Variants in TENM3 observed in about 807,000 individuals in gnomAD.
TENM3 encodes the protein teneurin transmembrane protein 3.
Under a neutral mutation model 255.1 loss-of-function variants are expected in TENM3, and 63 were observed. The observed-to-expected ratio is 0.25, with a 90% CI of 0.20 to 0.30. The LOEUF (loss-of-function observed/expected upper bound fraction) is 0.30. Ranked by LOEUF, TENM3 falls within the 10% of genes least tolerant of loss-of-function variation. TENM3 has a pLI of 1.00. For missense variants in TENM3, 2,929 were observed against 3,461.1 expected (o/e 0.85, Z 3.86); for synonymous variants, 1,306 against 1,322.3 (o/e 0.99, Z 0.27).
At chr4:182,119,387 T>C in the TENM3 span, among the ~76,000 whole-genome samples, 12 of 152,020 alleles carry the variant, frequency 7.9e-5, no homozygotes, top group African/African-American at 2.9e-4. Flanking sequence ...TCCGTGGAGT[T>C]TTTATCTCTC....
the TENM3 span, among the ~76,000 whole-genome samples, chr4:181,727,663 T>C: frequency 3.3e-5 from 5 of 152,358 alleles, no homozygotes; most frequent in Admixed American, 3.3e-4. Flanking sequence ...TTGTCAGATT[T>C]ACTACAATAC....
At chr4:181,696,688 C>T in the TENM3 span, among the ~76,000 whole-genome samples, 4 of 152,208 alleles carry the variant, frequency 2.6e-5, no homozygotes, top group Non-Finnish European at 4.4e-5. Flanking sequence ...ACTGTACGCA[C>T]TCACTAAGGT....
chr4:181,898,593 C>G, the TENM3 span, among the ~76,000 whole-genome samples: 1 of 152,158 alleles, frequency 6.6e-6, no homozygotes, highest in East Asian at 1.9e-4. Flanking sequence ...TGAACTCCCC[C>G]CAACTCATTA....
At chr4:182,436,346 T>G (rs1226704587) in intron 3 of TENM3, among the ~76,000 whole-genome samples, 1 of 152,136 alleles carries the variant, frequency 6.6e-6, no homozygotes, top group Non-Finnish European at 1.5e-5. Flanking sequence ...GACTGCAGCT[T>G]TGTCTGTCTT....
chr4:181,572,977 AATGAGAAC>A, the TENM3 span, among the ~76,000 whole-genome samples: 4 of 152,142 alleles, frequency 2.6e-5, no homozygotes, highest in Admixed American at 1.3e-4. Context: ...CCCACAAATG[AATGAGAAC>A]ATGTGAAGTT....
At chr4:181,625,744 G>A in the TENM3 span, among the ~76,000 whole-genome samples, 1 of 152,068 alleles carries the variant, frequency 6.6e-6, no homozygotes, top group South Asian at 2.1e-4. Context: ...AACCCAGGAG[G>A]CAGAGCTTGC....
the TENM3 span, among the ~76,000 whole-genome samples, chr4:181,640,736 G>A: frequency 7.9e-5 from 12 of 152,278 alleles, no homozygotes; most frequent in African/African-American, 2.9e-4. Context: ...GGAACTATAG[G>A]AGGTGATGCC....
Position 182,349,851 on chromosome 4 carries a change from G to A in TENM3, c.511+2922G>A, listed in dbSNP as rs1237734681. On this transcript the variant is annotated intron_variant, in intron 3 of 27. Coordinates refer to ENST00000511685, the MANE Select transcript of TENM3 (RefSeq NM_001080477.4). ...TCATTTTTATACTAGCTTGAGATGTGTTCTTGGAAGTTCTATTGTATCACT... is the reference window on the plus strand; with the variant it reads ...TCATTTTTATACTAGCTTGAGATGTATTCTTGGAAGTTCTATTGTATCACT... The A allele has an allele frequency of 1.0e-5, 4 of 381,618 alleles. 1 individual carries two copies. Among genetic ancestry groups the A allele is most frequent in the South Asian group, 6.0e-5 (3 of 49,892 alleles). 23.6% of individuals were successfully genotyped at this position (381,618 alleles called of 1,614,324 possible).
intron 3 of TENM3, among the ~76,000 whole-genome samples, chr4:182,474,210 C>G (rs1038765398): frequency 6.6e-6 from 1 of 152,122 alleles, no homozygotes; most frequent in Non-Finnish European, 1.5e-5. Flanking sequence ...AAATTTTTTA[C>G]TCACAGGATT....
the TENM3 span, among the ~76,000 whole-genome samples, chr4:181,619,329 G>A: frequency 1.3e-5 from 2 of 152,008 alleles, no homozygotes; most frequent in African/African-American, 4.8e-5. Flanking sequence ...TGATCTATTT[G>A]TATTTCTCAC....
At chr4:181,724,842 G>T in the TENM3 span, among the ~76,000 whole-genome samples, 2 of 152,080 alleles carry the variant, frequency 1.3e-5, no homozygotes, top group Non-Finnish European at 2.9e-5. Flanking sequence ...TTTCTTTCCT[G>T]GCAGATCAGA....
the TENM3 span, among the ~76,000 whole-genome samples, chr4:181,591,051 A>G: frequency 1.9e-4 from 29 of 152,354 alleles, no homozygotes; most frequent in East Asian, 4.8e-3. Context: ...AAATACAATG[A>G]GTCTTATGCA....
the TENM3 span, among the ~76,000 whole-genome samples, chr4:181,484,363 T>C: frequency 2.0e-5 from 3 of 152,158 alleles, no homozygotes; most frequent in Non-Finnish European, 4.4e-5. Context: ...ATCCTATATG[T>C]GATGTGTGAC....
At chr4:182,328,581 CAG>C (rs1763562794) in intron 2 of TENM3, among the ~76,000 whole-genome samples, 2 of 151,740 alleles carry the variant, frequency 1.3e-5, no homozygotes, top group East Asian at 1.9e-4. Flanking sequence ...GAAATTAAAA[CAG>C]AAAGTAAATT....
rs1764421555 is a variant in TENM3, at chr4:182,773,382, G to A, written c.4893-90G>A. The A allele has an allele frequency of 2.5e-6, 3 of 1,188,772 alleles. No homozygotes were observed. The Admixed American group carries it at 7.3e-5, about 29-fold the overall frequency. 73.6% of individuals were successfully genotyped at this position (1,188,772 alleles called of 1,614,324 possible). A position where few individuals can be genotyped will look rare whatever the true frequency, so the allele number is the denominator to read the frequency against. On this transcript the variant is annotated intron_variant, in intron 22 of 27. Coordinates refer to ENST00000511685, the MANE Select transcript of TENM3 (RefSeq NM_001080477.4). ...CGAAGACAAATAGTCCTCCAAATTT[G>A]TGCAACTAATATTGCTACACATTAT...
At chr4:182,463,293 A>T (rs1732235009) in intron 3 of TENM3, among the ~76,000 whole-genome samples, 1 of 152,172 alleles carries the variant, frequency 6.6e-6, no homozygotes, top group Admixed American at 6.5e-5. Context: ...ATTCTGTGAG[A>T]TCACCTTGAA....
At chr4:181,914,743 G>C in the TENM3 span, among the ~76,000 whole-genome samples, 1 of 152,284 alleles carries the variant, frequency 6.6e-6, no homozygotes, top group African/African-American at 2.4e-5. Flanking sequence ...ACATCCCGAA[G>C]AAGACAGGAT....
At chr4:182,134,790 G>C in the TENM3 span, among the ~76,000 whole-genome samples, 1 of 152,128 alleles carries the variant, frequency 6.6e-6, no homozygotes, top group East Asian at 1.9e-4. Context: ...ATGGCCCGTA[G>C]GAGCTTGCTG....
At chr4:182,722,102 C>T (rs1449295453) in intron 13 of TENM3, among the ~76,000 whole-genome samples, 3 of 152,134 alleles carry the variant, frequency 2.0e-5, no homozygotes, top group Non-Finnish European at 4.4e-5. Context: ...TTCTGGGTTA[C>T]GTGTCTTCTA....
Sources: gnomAD v4.1 joint callset for allele counts (sites outside exome capture counted in the v4.1 genomes callset) on GRCh38, gnomAD v4.1.1 for gene constraint, MANE v1.5 for transcripts, NCBI Gene and HGNC (gene_info 2026-07-23, HGNC 2026-07-21) for gene names.